The following MARCHF1 variants were observed in gnomAD, a reference collection of about 807,000 sequenced individuals.
The protein encoded by MARCHF1 is E3 ubiquitin-protein ligase MARCHF1.
A neutral mutation model predicts 54.2 loss-of-function variants in MARCHF1; 40 were observed. That is an observed-to-expected ratio of 0.74 (90% confidence interval 0.57 to 0.96). MARCHF1 has a LOEUF of 0.96. Among genes scored for constraint, MARCHF1 ranks in the 40% least tolerant of loss-of-function variants. MARCHF1 has a pLI of 0.00. For synonymous variants in MARCHF1, 236 were observed against 236.3 expected (o/e 1.00, Z 0.01); for missense variants, 586 against 656.5 (o/e 0.89, Z 1.17).
rs776671122 is a variant in MARCHF1 at position 163,585,742 on chromosome 4, A to G, written c.1191+7T>C. 1.3e-6 allele frequency: 2 copies of G among 1,577,596 alleles called. No individual in the cohort carries two copies. The highest frequency in any genetic ancestry group is 1.2e-5 in the South Asian group (1 of 85,528). On this transcript the variant is annotated splice_region_variant and intron_variant, in intron 8 of 9. Coordinates refer to ENST00000514618, the MANE Select transcript of MARCHF1 (RefSeq NM_001394959.1). ...CCCTCCCAAACCAATTCCTATGGAT[A>G]CTGTACCTTCCGGAGGGGTTTGAGC...
At chr4:164,249,530 C>T (rs1175658148) in intron 1 of MARCHF1, among the ~76,000 whole-genome samples, 1 of 151,930 alleles carries the variant, frequency 6.6e-6, no homozygotes, top group African/African-American at 2.4e-5. Flanking sequence ...ACTAACTGTC[C>T]TAAATCTAAA....
At chr4:164,334,098 T>C (rs903662322) in intron 1 of MARCHF1, among the ~76,000 whole-genome samples, 2 of 152,182 alleles carry the variant, frequency 1.3e-5, no homozygotes, top group Non-Finnish European at 2.9e-5. Context: ...GCCATCTCCA[T>C]GGCATAAAAG....
intron 1 of MARCHF1, among the ~76,000 whole-genome samples, chr4:164,165,749 T>C (rs1186839117): frequency 6.6e-6 from 1 of 151,980 alleles, no homozygotes; most frequent in African/African-American, 2.4e-5. Flanking sequence ...GGATGTGCAT[T>C]GAACTTGCTG....
At chr4:163,828,475 A>G (rs1212716873) in intron 4 of MARCHF1, among the ~76,000 whole-genome samples, 1 of 152,176 alleles carries the variant, frequency 6.6e-6, no homozygotes, top group African/African-American at 2.4e-5. Context: ...GGCACATTTC[A>G]AAGGACTAAT....
At chr4:163,759,202 A>G (rs1293732609) in intron 4 of MARCHF1, among the ~76,000 whole-genome samples, 2 of 148,910 alleles carry the variant, frequency 1.3e-5, no homozygotes, top group African/African-American at 2.5e-5. Flanking sequence ...TTTTAATGGT[A>G]TATTGGTTTA....
At chr4:164,249,135 C>A (rs531856032) in intron 1 of MARCHF1, among the ~76,000 whole-genome samples, 1 of 151,772 alleles carries the variant, frequency 6.6e-6, no homozygotes, top group Non-Finnish European at 1.5e-5. Flanking sequence ...GGGGTAGATA[C>A]CAACATGAAG....
chr4:163,843,949 C>T (rs573926352), intron 4 of MARCHF1, among the ~76,000 whole-genome samples: 1 of 151,582 alleles, frequency 6.6e-6, no homozygotes, highest in Non-Finnish European at 1.5e-5. Context: ...TTCGCTCATG[C>T]CCCTTGCTCA....
rs183826427 is a variant in MARCHF1 at position 164,161,842 on chromosome 4, A to T, written c.-322-50180T>A. 1.6e-4 allele frequency among the ~76,000 whole-genome samples: 24 copies of T among 152,226 alleles called. 1 individual carries two copies. Among genetic ancestry groups the T allele is most frequent in the Admixed American group, 1.4e-3 (21 of 15,252 alleles). On this transcript the variant is annotated intron_variant, in intron 1 of 9. Transcript: ENST00000514618. ...CAGTAATAATTCTTAGCCACCCGTT[A>T]TATGGTCCAAATTCCAATGATATGT...
rs114839668 is a variant in MARCHF1 at position 164,192,335 on chromosome 4, G to C, written c.-322-80673C>G. Among the ~76,000 whole-genome samples, 3 of 148,220 alleles carry C rather than the reference G, an allele frequency of 2.0e-5. No individual in the cohort carries two copies. In the Admixed American group the frequency reaches 2.1e-4, roughly 10 times the overall value. ...TAGGATTTACTATTTACTTATATAA[G>C]TTTAGGAGAATTTAGTTTTTAAAGC... On this transcript the variant is annotated intron_variant, in intron 1 of 9. Transcript: ENST00000514618.
chr4:164,145,634 A>G (rs1315962089), intron 1 of MARCHF1, among the ~76,000 whole-genome samples: 1 of 152,194 alleles, frequency 6.6e-6, no homozygotes, highest in African/African-American at 2.4e-5. Flanking sequence ...CTTCATGCCA[A>G]AAACTCTCAA....
intron 3 of MARCHF1, among the ~76,000 whole-genome samples, chr4:163,927,218 A>G (rs1413540183): frequency 6.6e-5 from 10 of 151,760 alleles, no homozygotes; most frequent in Admixed American, 6.6e-4. Flanking sequence ...TTCTTAGACT[A>G]TGTCATTCCT....
chr4:164,229,259 A>C (rs757621601), intron 1 of MARCHF1, among the ~76,000 whole-genome samples: 7 of 152,176 alleles, frequency 4.6e-5, no homozygotes, highest in Non-Finnish European at 8.8e-5. Context: ...ATAAGGTGGA[A>C]ATGCTGGTTG....
chr4:164,054,669 A>T (rs1348147784), intron 2 of MARCHF1, among the ~76,000 whole-genome samples: 1 of 150,990 alleles, frequency 6.6e-6, no homozygotes, highest in Non-Finnish European at 1.5e-5. Flanking sequence ...TCAGTAAACT[A>T]TCGCAAGAAC....
At chr4:164,138,366 G>A (rs1009744652) in intron 1 of MARCHF1, among the ~76,000 whole-genome samples, 4 of 151,996 alleles carry the variant, frequency 2.6e-5, no homozygotes, top group African/African-American at 4.8e-5. Flanking sequence ...TCTTATAGGG[G>A]AGATAAAGGA....
chr4:163,570,999 G>C (rs970881705), intron 8 of MARCHF1, among the ~76,000 whole-genome samples: 1 of 152,046 alleles, frequency 6.6e-6, no homozygotes, highest in Non-Finnish European at 1.5e-5. Flanking sequence ...GATACCGTTA[G>C]TAATTTTCCT....
chr4:164,267,999 A>C (rs1468222212), intron 1 of MARCHF1, among the ~76,000 whole-genome samples: 1 of 152,096 alleles, frequency 6.6e-6, no homozygotes, highest in African/African-American at 2.4e-5. Flanking sequence ...TAGGAAAAAA[A>C]AATCCTCTCT....
At chr4:163,786,857 C>T (rs1173903519) in intron 4 of MARCHF1, among the ~76,000 whole-genome samples, 1 of 151,950 alleles carries the variant, frequency 6.6e-6, no homozygotes, top group African/African-American at 2.4e-5. Flanking sequence ...CACCAGGAAT[C>T]CATACAATGT....
chr4:163,987,095 C>G (rs1229767156), intron 3 of MARCHF1, among the ~76,000 whole-genome samples: 1 of 152,148 alleles, frequency 6.6e-6, no homozygotes, highest in Non-Finnish European at 1.5e-5. Context: ...CAGTGTACCC[C>G]ACCTTCCCCA....
intron 3 of MARCHF1, among the ~76,000 whole-genome samples, chr4:163,917,382 T>C (rs1006295332): frequency 6.6e-6 from 1 of 152,074 alleles, no homozygotes; most frequent in African/African-American, 2.4e-5. Context: ...CATTCCAATA[T>C]CAATGAATGG....
Sources: gnomAD v4.1 joint callset for allele counts (sites outside exome capture counted in the v4.1 genomes callset) on GRCh38, gnomAD v4.1.1 for gene constraint, MANE v1.5 for transcripts, NCBI Gene and HGNC (gene_info 2026-07-23, HGNC 2026-07-21) for gene names.